Variants in API5 observed in about 807,000 individuals in gnomAD.
API5 encodes the protein FIF.
Under a neutral mutation model 71.9 loss-of-function variants are expected in API5, and 6 were observed. The observed-to-expected ratio is 0.08, with a 90% CI of 0.05 to 0.16. The LOEUF (loss-of-function observed/expected upper bound fraction) is 0.16, where lower values mean the gene tolerates loss of function less well. Ranked by LOEUF, API5 falls within the 10% of genes least tolerant of loss-of-function variation. API5 has a pLI of 1.00. For missense variants in API5, 332 were observed against 612.8 expected (o/e 0.54, Z 4.84); for synonymous variants, 189 against 221.3 (o/e 0.85, Z 1.30).
At chr11:43,315,198 C>T (rs1353324205) in intron 1 of API5, among the ~76,000 whole-genome samples, 34 of 152,144 alleles carry the variant, frequency 2.2e-4, no homozygotes, top group Admixed American at 2.2e-3. Context: ...CAGAGTAGTG[C>T]CTTCTAAATA....
chr11:43,336,685 TATCAG>T (rs1855443538), intron 13 of API5, among the ~76,000 whole-genome samples: 1 of 151,978 alleles, frequency 6.6e-6, no homozygotes, highest in African/African-American at 2.4e-5. Context: ...TGGAGAGAAA[TATCAG>T]GTCAATTCCT....
intron 7 of API5, 63 bp downstream of exon 7, chr11:43,326,674 C>A: frequency 1.1e-6 from 1 of 934,524 alleles, no homozygotes; most frequent in Non-Finnish European, 1.7e-6. Context: ...AAAATGTAAA[C>A]CACTAACTTA....
intron 6 of API5, 39 bp from the exon 7 acceptor site, chr11:43,326,468 T>A: frequency 8.0e-7 from 1 of 1,257,554 alleles, no homozygotes; most frequent in Non-Finnish European, 1.2e-6. Context: ...GAGCGAATAT[T>A]TGTTTTTCGA....
intron 5 of API5, 142 bp from the exon 6 acceptor site, chr11:43,323,288 A>T: frequency 2.7e-6 from 2 of 740,068 alleles, no homozygotes; most frequent in Non-Finnish European, 2.2e-6. Flanking sequence ...TGAAGCTAGA[A>T]GTTGCCTTTT....
chr11:43,335,176 C>T, intron 11 of API5, 102 bp from the exon 12 acceptor site: 1 of 833,106 alleles, frequency 1.2e-6, no homozygotes, highest in South Asian at 1.4e-5. Flanking sequence ...GCTCTGTCTC[C>T]TAAATTGAAT....
At chr11:43,319,336 C>A (rs182476550) in intron 2 of API5, among the ~76,000 whole-genome samples, 54 of 152,102 alleles carry the variant, frequency 3.6e-4, no homozygotes, top group Non-Finnish European at 6.3e-4. Context: ...GACACAGGTT[C>A]CTAAGAATAT....
At chr11:43,321,282 G>T (rs1854881374) in intron 3 of API5, 129 bp from the exon 4 acceptor site, 1 of 780,476 alleles carries the variant, frequency 1.3e-6, no homozygotes, top group Non-Finnish European at 2.1e-6. Context: ...GGTACTTGAG[G>T]GAATGGCTTA....
At chr11:43,329,146 A>G (rs948472522) in intron 9 of API5, 16 of 416,114 alleles carry the variant, frequency 3.8e-5, no homozygotes, top group African/African-American at 3.2e-4. Flanking sequence ...GTTTGAGACC[A>G]GCTGGGCAAC....
At chr11:43,320,212 AT>A (rs2134347893) in intron 2 of API5, among the ~76,000 whole-genome samples, 1 of 151,848 alleles carries the variant, frequency 6.6e-6, no homozygotes, top group Non-Finnish European at 1.5e-5. Flanking sequence ...CGCCTGGCTA[AT>A]TTTTGTATTT....
chr11:43,313,960 G>T (rs967184748), intron 1 of API5, among the ~76,000 whole-genome samples: 3 of 152,180 alleles, frequency 2.0e-5, no homozygotes, highest in Non-Finnish European at 4.4e-5. Context: ...GTGGTGGCAT[G>T]CGCCTGAAGT....
intron 10 of API5, 86 bp downstream of exon 10, chr11:43,330,144 A>C: frequency 9.4e-7 from 1 of 1,060,560 alleles, no homozygotes; most frequent in South Asian, 1.4e-5. Flanking sequence ...ATTTTCCCTT[A>C]TCTCACCTAA....
chr11:43,312,652 G>A (rs543397879), intron 1 of API5, among the ~76,000 whole-genome samples: 1 of 152,164 alleles, frequency 6.6e-6, no homozygotes, highest in African/African-American at 2.4e-5. Flanking sequence ...GGAGACAGAA[G>A]TTTGTGAGAA....
At chr11:43,318,563 C>G in intron 1 of API5, 77 bp from the exon 2 acceptor site, 1 of 1,587,108 alleles carries the variant, frequency 6.3e-7, no homozygotes, top group Non-Finnish European at 8.6e-7. Context: ...CACACTCTAA[C>G]ATGTTTGTTA....
intron 5 of API5, among the ~76,000 whole-genome samples, chr11:43,323,130 C>T (rs1203457464): frequency 1.3e-5 from 2 of 151,860 alleles, no homozygotes; most frequent in African/African-American, 4.8e-5. Context: ...ACTGCTCTCC[C>T]ATGAAATTTT....
Position 43,335,884 on chromosome 11 carries a change from C to G in API5, c.1382C>G (p.Thr461Ser), listed in dbSNP as rs1235756836. The change falls in exon 13 of 14, where the codon ACT (threonine) becomes AGT (serine). Residue 461 changes from threonine to serine, a missense_variant. Thr to Ser is a moderately conservative substitution (Grantham distance 58). Coordinates refer to ENST00000531273, the MANE Select transcript of API5 (RefSeq NM_001142930.2). Reference protein sequence around the residue: ...IGQKRASEDTTSGSPPKKSSA... With the variant: ...IGQKRASEDTSSGSPPKKSSA... Reference sequence around the variant, plus strand: ...CAAAAGAGAGCCAGTGAAGATACAACTTCAGGTTCACCACCCAAGAAATCT... The same window carrying G: ...CAAAAGAGAGCCAGTGAAGATACAAGTTCAGGTTCACCACCCAAGAAATCT... 2 of 1,612,392 alleles carry G rather than the reference C, an allele frequency of 1.2e-6. No individual in the cohort carries two copies. Among genetic ancestry groups the G allele is most frequent in the African/African-American group, 2.7e-5 (2 of 74,962 alleles).
Position 43,343,927 on chromosome 11 carries a change from T to C in API5, c.*1417T>C, listed in dbSNP as rs1414617403. 2 of 152,628 alleles carry C rather than the reference T, an allele frequency of 1.3e-5. No individual in the cohort carries two copies. The highest frequency in any genetic ancestry group is 3.9e-4 in the East Asian group (2 of 5,190). The allele number at this position is 152,628 out of a possible 1,614,324, so 9.5% of individuals were successfully genotyped here. ...GTCTTCATTACCATTACCTCTACAC[T>C]GCAGAAGAAGCAAAACTCCTTTATT... On this transcript the variant is annotated 3_prime_UTR_variant, in exon 14 of 14. Transcript: ENST00000531273.
At chr11:43,327,018 C>A (rs1057488164) in intron 7 of API5, among the ~76,000 whole-genome samples, 6 of 152,332 alleles carry the variant, frequency 3.9e-5, no homozygotes, top group African/African-American at 1.4e-4. Flanking sequence ...CATTTTTTCA[C>A]AGCATCTGTA....
At chr11:43,320,121 C>A (rs1290945161) in intron 2 of API5, among the ~76,000 whole-genome samples, 1 of 148,514 alleles carries the variant, frequency 6.7e-6, no homozygotes, top group East Asian at 2.0e-4. Context: ...TCTTGGCTCA[C>A]TGCAACCTCC....
intron 13 of API5, among the ~76,000 whole-genome samples, chr11:43,339,634 C>T (rs1855547732): frequency 6.6e-6 from 1 of 152,134 alleles, no homozygotes; most frequent in Admixed American, 6.5e-5. Context: ...GTAGCTGAAA[C>T]ACACTCAGAC....
Sources: allele counts gnomAD v4.1 joint callset (sites outside exome capture counted in the v4.1 genomes callset), GRCh38; gene constraint gnomAD v4.1.1; transcripts MANE v1.5; gene names NCBI Gene and HGNC (gene_info 2026-07-23, HGNC 2026-07-21).